The following ALDH5A1 variants were observed in gnomAD, a reference collection of about 807,000 sequenced individuals.
ALDH5A1 encodes the protein succinate-semialdehyde dehydrogenase, mitochondrial.
A neutral mutation model predicts 54.7 loss-of-function variants in ALDH5A1; 33 were observed. The ratio of observed to expected loss-of-function variants is 0.60; its 90% CI spans 0.46 to 0.81. The LOEUF is 0.81. Among genes scored for constraint, ALDH5A1 ranks in the 30% least tolerant of loss-of-function variants. ALDH5A1 has a pLI of 0.00. For missense variants in ALDH5A1, 657 were observed against 711.0 expected (o/e 0.92, Z 0.86); for synonymous variants, 294 against 292.7 (o/e 1.00, Z -0.05).
At chr6:24,496,646 T>C (rs1581802391) in intron 1 of ALDH5A1, among the ~76,000 whole-genome samples, 1 of 152,244 alleles carries the variant, frequency 6.6e-6, no homozygotes, top group East Asian at 1.9e-4. Flanking sequence ...ACTCATGGAG[T>C]CTGAGATGTC....
Position 24,518,300 on chromosome 6 carries a change from G to C in ALDH5A1, c.871-2101G>C, listed in dbSNP as rs1759611899. 6.6e-6 allele frequency among the ~76,000 whole-genome samples: 1 copy of C among 152,244 alleles called. No individual in the cohort carries two copies. Among genetic ancestry groups the C allele is most frequent in the South Asian group, 2.1e-4 (1 of 4,828 alleles). On this transcript the variant is annotated intron_variant, in intron 5 of 9. Coordinates refer to ENST00000357578, the MANE Select transcript of ALDH5A1 (RefSeq NM_001080.3). The surrounding 1 kb of genome is among the most constrained non-coding windows in gnomAD (Gnocchi z 4.2). ...TGAGGAGGTCAGCCCATGGGAACTG[G>C]AGCTGGGAAAAGATTCATTAAGACA...
At chr6:24,500,635 A>G (rs1280890733) in intron 1 of ALDH5A1, among the ~76,000 whole-genome samples, 1 of 135,832 alleles carries the variant, frequency 7.4e-6, no homozygotes, top group African/African-American at 2.8e-5. Context: ...CATCAGATCA[A>G]GACCGTATCT....
At position 24,537,065 on chromosome 6, in the gene ALDH5A1, G is replaced by A. The variant is rs1027505793; in HGVS notation, c.*3353G>A. The A allele has an allele frequency of 1.3e-4, 20 of 152,568 alleles. No homozygotes were observed. The highest frequency in any genetic ancestry group is 4.8e-4 in the African/African-American group (20 of 41,422). The allele number at this position is 152,568 out of a possible 1,614,324, so 9.5% of individuals were successfully genotyped here. A position where few individuals can be genotyped will look rare whatever the true frequency, so the allele number is the denominator to read the frequency against. ...GGGATAAAACTTGGGAATGAGTGTG[G>A]TAAGAAATTTATAAAGTTTTGCTTT... On this transcript the variant is annotated 3_prime_UTR_variant, in exon 10 of 10. Coordinates refer to ENST00000357578, the MANE Select transcript of ALDH5A1 (RefSeq NM_001080.3).
chr6:24,533,895 A>G lies in ALDH5A1; in HGVS notation c.*183A>G. On this transcript the variant is annotated 3_prime_UTR_variant, in exon 10 of 10. Coordinates refer to ENST00000357578, the MANE Select transcript of ALDH5A1 (RefSeq NM_001080.3). ...CTGCCCTTAATGTAACTAGGGACCA[A>G]TATGTGCCACGTGCCTGTGGCTGCA... The G allele has an allele frequency of 1.6e-6, 1 of 606,430 alleles. No homozygotes were observed. The highest frequency in any genetic ancestry group is 2.0e-5 in the South Asian group (1 of 49,658). 37.6% of individuals were successfully genotyped at this position (606,430 alleles called of 1,614,324 possible). A position where few individuals can be genotyped will look rare whatever the true frequency, so the allele number is the denominator to read the frequency against.
In ALDH5A1 at chr6:24,504,791, G is replaced by A; in HGVS notation, c.610-78G>A. 5.0e-6 allele frequency: 7 copies of A among 1,400,926 alleles called. No individual in the cohort carries two copies. In the South Asian group the frequency reaches 8.1e-5, roughly 16 times the overall value. The allele number at this position is 1,400,926 out of a possible 1,614,324, so 86.8% of individuals were successfully genotyped here. ...AGTTGTGCAATGAAATTTGTTCACT[G>A]ACTTCCCAACATGCCTTCCTTTGCA... On this transcript the variant is annotated intron_variant, in intron 3 of 9. Transcript: ENST00000357578.
intron 5 of ALDH5A1, among the ~76,000 whole-genome samples, chr6:24,519,382 T>A (rs982042341): frequency 2.0e-5 from 3 of 152,092 alleles, no homozygotes; most frequent in African/African-American, 7.2e-5. Context: ...CTGGCCAACA[T>A]GACGAAACCC....
In ALDH5A1 at chr6:24,534,850, C is replaced by T. The variant is rs922406597; in HGVS notation, c.*1138C>T. 5 of 152,214 alleles carry T rather than the reference C, an allele frequency of 3.3e-5. No individual in the cohort carries two copies. The highest frequency in any genetic ancestry group is 4.8e-5 in the African/African-American group (2 of 41,434). 9.4% of individuals were successfully genotyped at this position (152,214 alleles called of 1,614,324 possible). On this transcript the variant is annotated 3_prime_UTR_variant, in exon 10 of 10. Transcript: ENST00000357578. ...CTCCAAAAGAGCAAAAGTACTTTCA[C>T]CACAGTCAACCCAAAAGGGAAAGAA...
rs1760022847 is a variant in ALDH5A1 at position 24,535,212 on chromosome 6, G to C, written c.*1500G>C. The C allele has an allele frequency of 6.6e-6, 1 of 152,188 alleles. No individual in the cohort carries two copies. The highest frequency in any genetic ancestry group is 1.5e-5 in the Non-Finnish European group (1 of 68,066). The allele number at this position is 152,188 out of a possible 1,614,324, so 9.4% of individuals were successfully genotyped here. On this transcript the variant is annotated 3_prime_UTR_variant, in exon 10 of 10. Coordinates refer to ENST00000357578, the MANE Select transcript of ALDH5A1 (RefSeq NM_001080.3). ...TGCAATTACTCCTGAACCCCACCTA[G>C]GATTTAACATCCCTCATTGAGCCAC...
rs1247759050 is a variant in ALDH5A1 at position 24,503,322 on chromosome 6, GT to G, written c.500del (p.Phe167SerfsTer29). ...ILYSAFFLEWFSEEARRVYGD... is the reference protein window; with the variant it reads ...ILYSAFFLEWXSEEARRVYGD... ...TCTATTCCGCCTTTTTCCTAGAGTGGTTCTCTGAGGAAGCCCGCCGTGTTTA... is the reference window on the plus strand; with the variant it reads ...TCTATTCCGCCTTTTTCCTAGAGTGGTCTCTGAGGAAGCCCGCCGTGTTTA... On this transcript the variant is annotated frameshift_variant, in exon 3 of 10. Coordinates refer to ENST00000357578, the MANE Select transcript of ALDH5A1 (RefSeq NM_001080.3). LOFTEE classifies it high-confidence loss of function. 6.2e-7 allele frequency: 1 copy of G among 1,614,104 alleles called. No homozygotes were observed. The highest frequency in any genetic ancestry group is 8.5e-7 in the Non-Finnish European group (1 of 1,180,048).
At position 24,533,654 on chromosome 6, in the gene ALDH5A1, C is replaced by G; in HGVS notation, c.1550C>G (p.Ser517Cys). 1 of 1,613,936 alleles carries G rather than the reference C, an allele frequency of 6.2e-7. No homozygotes were observed. Among genetic ancestry groups the G allele is most frequent in the Non-Finnish European group, 8.5e-7 (1 of 1,179,972 alleles). The change falls in exon 10 of 10, where the codon TCC becomes TGC. Residue 517 changes from serine (S) to cysteine (C), a missense_variant. Around this residue, in one of 2 missense-constraint regions of ALDH5A1, gnomAD observed 425 missense variants for 516.4 expected, o/e 0.82. Coordinates refer to ENST00000357578, the MANE Select transcript of ALDH5A1 (RefSeq NM_001080.3). Reference sequence around the variant, plus strand: ...CAGTCCGGCCTTGGGCGAGAGGGGTCCAAGTATGGCATTGATGAGTATCTG... The same window carrying G: ...CAGTCCGGCCTTGGGCGAGAGGGGTGCAAGTATGGCATTGATGAGTATCTG... Reference protein sequence around the residue: ...VKQSGLGREGSKYGIDEYLEL... With the variant: ...VKQSGLGREGCKYGIDEYLEL...
rs1240192032 is a variant in ALDH5A1, at chr6:24,528,125, C to T, written c.1302C>T (p.Cys434=). ...LLCNVTQDML[C]THEETFGPLA... is the part of the protein sequence containing the mutation. ...GCAATGTCACCCAGGACATGCTGTGCACTCATGAAGAGACTTTCGGGCCTC... is the reference window on the plus strand; with the variant it reads ...GCAATGTCACCCAGGACATGCTGTGTACTCATGAAGAGACTTTCGGGCCTC... The change falls in exon 8 of 10, where the codon TGC becomes TGT. Residue 434 remains cysteine (C), a synonymous_variant. Coordinates refer to ENST00000357578, the MANE Select transcript of ALDH5A1 (RefSeq NM_001080.3). 4 of 1,613,980 alleles carry T rather than the reference C, an allele frequency of 2.5e-6. No individual in the cohort carries two copies. The highest frequency in any genetic ancestry group is 1.7e-6 in the Non-Finnish European group (2 of 1,179,910).
At position 24,515,222 on chromosome 6, in the gene ALDH5A1, G is replaced by A. The variant is rs772361710; in HGVS notation, c.782G>A (p.Arg261Gln). Residue 261 changes from arginine (R) to glutamine (Q), a missense_variant, in exon 5 of 10, where the codon CGA (arginine) becomes CAA (glutamine). Physicochemically the swap from Arg to Gln is conservative, Grantham distance 43. This residue lies in a region of ALDH5A1 where 425 missense variants were observed against 516.4 expected (regional missense o/e 0.82). Transcript: ENST00000357578. ...SGVYNVIPCS[R>Q]KNAKEVGEAI... ...GTATACAATGTTATTCCCTGTTCTC[G>A]AAAGAATGCCAAGGAAGTAGGGGAG... The A allele has an allele frequency of 9.3e-6, 15 of 1,611,826 alleles. No individual in the cohort carries two copies. Among genetic ancestry groups the A allele is most frequent in the East Asian group, 2.2e-5 (1 of 44,786 alleles).
intron 4 of ALDH5A1, among the ~76,000 whole-genome samples, chr6:24,506,729 T>C (rs1192255151): frequency 1.3e-5 from 2 of 152,232 alleles, no homozygotes; most frequent in Admixed American, 1.3e-4. Flanking sequence ...CCATTCTCAT[T>C]TTTAGTAATA....
intron 5 of ALDH5A1, among the ~76,000 whole-genome samples, chr6:24,519,731 A>T (rs1019536653): frequency 6.7e-6 from 1 of 150,332 alleles, no homozygotes. Flanking sequence ...ACGAAACGGT[A>T]TAATTATATA....
intron 2 of ALDH5A1, 125 bp downstream of exon 2, chr6:24,502,731 A>T: frequency 1.3e-6 from 1 of 742,320 alleles, no homozygotes; most frequent in Admixed American, 2.0e-5. Context: ...TTCCTTCTCT[A>T]CTGATCAAAT....
At chr6:24,520,263 G>C in intron 5 of ALDH5A1, 138 bp from the exon 6 acceptor site, 1 of 961,082 alleles carries the variant, frequency 1.0e-6, no homozygotes, top group Non-Finnish European at 1.7e-6. Flanking sequence ...TTATTTCTCC[G>C]TTTTCTTATG....
At chr6:24,511,412 G>A (rs200956326) in intron 4 of ALDH5A1, among the ~76,000 whole-genome samples, 1 of 152,112 alleles carries the variant, frequency 6.6e-6, no homozygotes, top group East Asian at 1.9e-4. Context: ...CCCCAAATAT[G>A]TTTTCCAAAC....
intron 5 of ALDH5A1, among the ~76,000 whole-genome samples, chr6:24,516,218 C>T (rs1378198511): frequency 6.6e-6 from 1 of 151,878 alleles, no homozygotes; most frequent in Admixed American, 6.6e-5. Flanking sequence ...AGGCGGATCA[C>T]AAGGTCAGGA....
rs568238490 is a variant in ALDH5A1, at chr6:24,500,972, C to T, written c.355-1551C>T. Among the ~76,000 whole-genome samples the T allele has an allele frequency of 4.6e-5, 7 of 152,196 alleles. No homozygotes were observed. In the East Asian group the frequency reaches 1.2e-3, roughly 25 times the overall value. On this transcript the variant is annotated intron_variant, in intron 1 of 9. Transcript: ENST00000357578. ...AAAAGTCTGTATGGCATGACAACAA[C>T]GACTTTAAGGGGAAGATAAGATTTC... is the stretch of plus-strand genomic sequence containing the variant.
Sources: allele counts gnomAD v4.1 joint callset (sites outside exome capture counted in the v4.1 genomes callset), GRCh38; gene constraint gnomAD v4.1.1; regional missense constraint gnomAD v4.1.1; non-coding constraint Gnocchi (gnomAD v3.1); transcripts MANE v1.5; gene names NCBI Gene and HGNC (gene_info 2026-07-23, HGNC 2026-07-21).